ZDHHC13: variants seen among roughly 807,000 people sequenced by gnomAD.
ZDHHC13 encodes zDHHC palmitoyltransferase 13.
A neutral mutation model predicts 86.0 loss-of-function variants in ZDHHC13; 85 were observed. The observed-to-expected ratio is 0.99, with a 90% confidence interval of 0.83 to 1.18. The LOEUF is 1.18. ZDHHC13 is among the 50% of genes most tolerant of loss of function. ZDHHC13 has a pLI of 0.00. For missense variants in ZDHHC13, 711 were observed against 730.2 expected (o/e 0.97, Z 0.30); for synonymous variants, 263 against 246.4 (o/e 1.07, Z -0.63).
intron 2 of ZDHHC13, among the ~76,000 whole-genome samples, chr11:19,144,639 G>GCACA (rs200663557): frequency 6.6e-6 from 1 of 151,788 alleles, no homozygotes; most frequent in African/African-American, 2.4e-5. Flanking sequence ...ACACACACAC[G>GCACA]CACACACACA....
Position 19,175,986 on chromosome 11 carries a change from C to A in ZDHHC13, c.*26C>A. 6.3e-7 allele frequency: 1 copy of A among 1,580,518 alleles called. No individual in the cohort carries two copies. The highest frequency in any genetic ancestry group is 1.9e-5 in the Admixed American group (1 of 51,478). ...AGAAAAGCAACCCAAAACTCTCAATCTGATTTGTTTTTGTTTATGTCGATG... is the reference window on the plus strand; with the variant it reads ...AGAAAAGCAACCCAAAACTCTCAATATGATTTGTTTTTGTTTATGTCGATG... On this transcript the variant is annotated 3_prime_UTR_variant, in exon 17 of 17. Coordinates refer to ENST00000446113, the MANE Select transcript of ZDHHC13 (RefSeq NM_019028.3).
intron 3 of ZDHHC13, among the ~76,000 whole-genome samples, chr11:19,146,519 A>G (rs1442277206): frequency 6.6e-6 from 1 of 152,226 alleles, no homozygotes; most frequent in African/African-American, 2.4e-5. Context: ...AGATAAAGCC[A>G]AGGGGGCCAA....
intron 11 of ZDHHC13, 59 bp from the exon 12 acceptor site, chr11:19,164,242 C>CCATG: frequency 6.5e-7 from 1 of 1,547,822 alleles, no homozygotes; most frequent in Non-Finnish European, 8.9e-7. Flanking sequence ...TGGTGTATAA[C>CCATG]CATGCATAAT....
chr11:19,143,310 C>T (rs1326840579), intron 2 of ZDHHC13, among the ~76,000 whole-genome samples, 187 bp downstream of exon 2: 1 of 152,176 alleles, frequency 6.6e-6, no homozygotes, highest in Non-Finnish European at 1.5e-5. Flanking sequence ...GTTTATGTAC[C>T]AGGACGTCCC....
At chr11:19,124,741 G>C (rs961963771) in intron 1 of ZDHHC13, among the ~76,000 whole-genome samples, 4 of 150,672 alleles carry the variant, frequency 2.7e-5, no homozygotes, top group Non-Finnish European at 4.4e-5. Flanking sequence ...ATTTTTAGCT[G>C]TGTGTGATTC....
In ZDHHC13 at chr11:19,152,218, A is replaced by G. The variant is rs1249582994; in HGVS notation, c.645A>G (p.Ile215Met). 3 of 1,613,304 alleles carry G rather than the reference A, an allele frequency of 1.9e-6. No homozygotes were observed. The highest frequency in any genetic ancestry group is 1.3e-5 in the African/African-American group (1 of 74,916). Residue 215 changes from isoleucine (I) to methionine (M), a missense_variant, in exon 7 of 17, where the codon ATA becomes ATG. Transcript: ENST00000446113. ...CTTCTCTCAATGTGGTTGATAAAAT[A>G]CACCAAAACACTCCACTTCACTGGG... ...FNPSLNVVDK[I>M]HQNTPLHWAV...
chr11:19,131,698 G>A (rs562432037), intron 1 of ZDHHC13, among the ~76,000 whole-genome samples: 2 of 151,944 alleles, frequency 1.3e-5, no homozygotes, highest in East Asian at 3.9e-4. Flanking sequence ...GTGCAGTGGT[G>A]TGATCTTGGC....
At chr11:19,158,812 A>G (rs1040244704) in intron 9 of ZDHHC13, 128 bp from the exon 10 acceptor site, 52 of 591,410 alleles carry the variant, frequency 8.8e-5, no homozygotes, top group Non-Finnish European at 1.3e-4. Flanking sequence ...CATAGTAAGC[A>G]CTCAGTATGT....
intron 10 of ZDHHC13, among the ~76,000 whole-genome samples, chr11:19,159,319 A>T (rs532538695): frequency 6.7e-6 from 1 of 149,160 alleles, no homozygotes; most frequent in African/African-American, 2.4e-5. Context: ...AATTTGTTGG[A>T]TTGTCTTGAG....
At chr11:19,156,783 A>G (rs1294522736) in intron 9 of ZDHHC13, among the ~76,000 whole-genome samples, 1 of 152,042 alleles carries the variant, frequency 6.6e-6, no homozygotes, top group East Asian at 1.9e-4. Context: ...AAGTCTCCTC[A>G]CTGGTCTCCT....
chr11:19,131,254 G>A (rs189302569), intron 1 of ZDHHC13, among the ~76,000 whole-genome samples: 82 of 152,158 alleles, frequency 5.4e-4, no homozygotes, highest in African/African-American at 1.9e-3. Context: ...TCCTGTCCTC[G>A]TGAACTGCCC....
chr11:19,168,792 T>G, intron 14 of ZDHHC13: 2 of 985,408 alleles, frequency 2.0e-6, no homozygotes, highest in Non-Finnish European at 2.4e-6. Flanking sequence ...CTGCTACTTC[T>G]GTACAGCCTC....
intron 6 of ZDHHC13, among the ~76,000 whole-genome samples, chr11:19,151,899 G>A (rs1849617501): frequency 6.6e-6 from 1 of 151,944 alleles, no homozygotes; most frequent in Non-Finnish European, 1.5e-5. Flanking sequence ...GAAAGGAAAA[G>A]TTTGAAAAAC....
upstream of ZDHHC13, chr11:19,117,113 G>C (rs1178612187): frequency 8.6e-6 from 8 of 925,522 alleles, no homozygotes; most frequent in Non-Finnish European, 1.3e-5. The surrounding 1 kb of genome is among the most constrained non-coding windows in gnomAD (Gnocchi z 4.2). Context: ...GACGGCTCAG[G>C]GCACGAGCGG....
At chr11:19,125,821 G>A (rs912880907) in intron 1 of ZDHHC13, among the ~76,000 whole-genome samples, 13 of 152,162 alleles carry the variant, frequency 8.5e-5, no homozygotes, top group African/African-American at 3.1e-4. Flanking sequence ...GCTGAGTGGA[G>A]GAAGCCCCTC....
intron 10 of ZDHHC13, 34 bp downstream of exon 10, chr11:19,159,074 C>T (rs2133448553): frequency 2.1e-6 from 3 of 1,448,024 alleles, no homozygotes; most frequent in East Asian, 5.0e-5. Flanking sequence ...ATGTGTATCT[C>T]ATTTTGCCTT....
At chr11:19,159,367 G>C (rs530092571) in intron 10 of ZDHHC13, among the ~76,000 whole-genome samples, 1 of 152,202 alleles carries the variant, frequency 6.6e-6, no homozygotes, top group East Asian at 1.9e-4. Context: ...AATTTGGTCA[G>C]CAGTTACAGT....
At position 19,153,728 on chromosome 11, in the gene ZDHHC13, C is replaced by T. The variant is rs147180847; in HGVS notation, c.873+1044C>T. Among the ~76,000 whole-genome samples, 1,165 of 152,210 alleles carry T rather than the reference C, an allele frequency of 7.7e-3. 11 individuals carry two copies. The highest frequency in any genetic ancestry group is 0.026 in the African/African-American group (1,097 of 41,534). ...CTAGACCTTTCCATGCTCATATATC[C>T]AATTACCTACTTTACTCATCCGCTT... On this transcript the variant is annotated intron_variant, in intron 8 of 16. Transcript: ENST00000446113.
At chr11:19,150,468 C>A (rs1565032607) in intron 5 of ZDHHC13, among the ~76,000 whole-genome samples, 1 of 152,102 alleles carries the variant, frequency 6.6e-6, no homozygotes, top group Non-Finnish European at 1.5e-5. Flanking sequence ...CAACATTTTA[C>A]TCTTTCCCTT....
Sources: gnomAD v4.1 joint callset for allele counts (sites outside exome capture counted in the v4.1 genomes callset) on GRCh38, gnomAD v4.1.1 for gene constraint, Gnocchi (gnomAD v3.1) non-coding constraint, MANE v1.5 for transcripts, NCBI Gene and HGNC (gene_info 2026-07-23, HGNC 2026-07-21) for gene names.